The following GRM7 variants were observed in gnomAD, a reference collection of about 807,000 sequenced individuals.
The protein encoded by GRM7 is glutamate metabotropic receptor 7.
Under a neutral mutation model 84.5 loss-of-function variants are expected in GRM7, and 35 were observed. The ratio of observed to expected loss-of-function variants is 0.41; its 90% CI spans 0.32 to 0.55. GRM7 has a LOEUF of 0.55. Among genes scored for constraint, GRM7 ranks in the 20% least tolerant of loss-of-function variants. The pLI is 0.19. For synonymous variants in GRM7, 487 were observed against 455.1 expected (o/e 1.07, Z -0.89); for missense variants, 1,003 against 1,194.6 (o/e 0.84, Z 2.36).
intron 4 of GRM7, among the ~76,000 whole-genome samples, chr3:7,324,621 C>G (rs1450693185): frequency 5.3e-5 from 8 of 152,134 alleles, no homozygotes; most frequent in Non-Finnish European, 8.8e-5. Context: ...TAGTCACATA[C>G]TAGCAAGTCT....
At chr3:7,574,917 T>C (rs2125049711) in intron 7 of GRM7, among the ~76,000 whole-genome samples, 1 of 149,344 alleles carries the variant, frequency 6.7e-6, no homozygotes, top group African/African-American at 2.4e-5. Context: ...AAATGAAATC[T>C]TTTGTTCCAG....
intron 4 of GRM7, among the ~76,000 whole-genome samples, chr3:7,367,988 A>AG (rs1167748374): frequency 2.1e-3 from 308 of 149,384 alleles, no homozygotes; most frequent in African/African-American, 7.1e-3. Context: ...TACACAGACA[A>AG]TGAAAAATAC....
chr3:7,135,547 C>T lies in GRM7; in HGVS notation c.520-10905C>T, dbSNP rs77916198. ...TTTCTGTATTGCAGTTTTGTACTGC[C>T]CACATATGCAAATCCCCCAGGAACA... On this transcript the variant is annotated intron_variant, in intron 1 of 9. Coordinates refer to ENST00000357716, the MANE Select transcript of GRM7 (RefSeq NM_000844.4). Among the ~76,000 whole-genome samples, 7 of 152,156 alleles carry T rather than the reference C, an allele frequency of 4.6e-5. No homozygotes were observed. In the East Asian group the frequency reaches 7.7e-4, roughly 17 times the overall value.
chr3:7,255,976 C>T (rs1038473676), intron 2 of GRM7, among the ~76,000 whole-genome samples: 1 of 152,178 alleles, frequency 6.6e-6, no homozygotes, highest in African/African-American at 2.4e-5. Context: ...AGATAAAATA[C>T]ATGCCTTTCA....
At chr3:7,251,159 G>A (rs900377439) in intron 2 of GRM7, among the ~76,000 whole-genome samples, 2 of 152,134 alleles carry the variant, frequency 1.3e-5, no homozygotes, top group African/African-American at 2.4e-5. Context: ...TGAATATTAC[G>A]TGATTAAGTA....
chr3:7,183,286 A>G (rs1270774218), intron 2 of GRM7, among the ~76,000 whole-genome samples: 1 of 152,240 alleles, frequency 6.6e-6, no homozygotes, highest in Non-Finnish European at 1.5e-5. Flanking sequence ...GGGGAGCAAA[A>G]TAACTCATGC....
At chr3:6,887,930 G>C (rs1695766379) in intron 1 of GRM7, among the ~76,000 whole-genome samples, 2 of 152,178 alleles carry the variant, frequency 1.3e-5, no homozygotes, top group Non-Finnish European at 2.9e-5. Context: ...ATTCTAACTG[G>C]TGTGAGATAG....
rs981593961 is a variant in GRM7, at chr3:7,188,932, G to T, written c.736+42264G>T. On this transcript the variant is annotated intron_variant, in intron 2 of 9. Coordinates refer to ENST00000357716, the MANE Select transcript of GRM7 (RefSeq NM_000844.4). The surrounding 1 kb of genome is among the most constrained non-coding windows in gnomAD (Gnocchi z 4.2). ...TTGTATTAAGTTTCTATTGTCAATAGCTGGATGGATGTGTGTGGACTCATC... is the reference window on the plus strand; with the variant it reads ...TTGTATTAAGTTTCTATTGTCAATATCTGGATGGATGTGTGTGGACTCATC... Among the ~76,000 whole-genome samples, 2 of 152,186 alleles carry T rather than the reference G, an allele frequency of 1.3e-5. No homozygotes were observed. Among genetic ancestry groups the T allele is most frequent in the African/African-American group, 2.4e-5 (1 of 41,446 alleles).
intron 8 of GRM7, among the ~76,000 whole-genome samples, chr3:7,654,037 T>C (rs1306686623): frequency 6.6e-6 from 1 of 152,158 alleles, no homozygotes; most frequent in Non-Finnish European, 1.5e-5. Context: ...AAACTTATAA[T>C]CATGCCCTAA....
intron 1 of GRM7, among the ~76,000 whole-genome samples, chr3:6,927,463 G>GAGAGAAAGAAAGAAAGAAAGAAAGAA (rs1553595155): frequency 2.1e-5 from 2 of 93,218 alleles, no homozygotes; most frequent in Non-Finnish European, 5.2e-5. Context: ...GAAAGAGAGA[G>GAGAGAAAGAAAGAAAGAAAGAAAGAA]AGAAAGAAAG....
rs545612367 is a variant in GRM7 at position 6,881,288 on chromosome 3, T to C, written c.519+19381T>C. Among the ~76,000 whole-genome samples, 39 of 152,218 alleles carry C rather than the reference T, an allele frequency of 2.6e-4. No individual in the cohort carries two copies. The South Asian group carries it at 5.8e-3, about 23-fold the overall frequency. ...TTCTATGTTTCCTAATGCTCTCCCT[T>C]CCCTCACTCCACCCCCCAACAGTCT... On this transcript the variant is annotated intron_variant, in intron 1 of 9. Transcript: ENST00000357716.
At chr3:7,076,029 A>C (rs1347369909) in intron 1 of GRM7, among the ~76,000 whole-genome samples, 2 of 152,164 alleles carry the variant, frequency 1.3e-5, no homozygotes, top group Non-Finnish European at 2.9e-5. Context: ...AAAGAAAAAA[A>C]CATTTTTACT....
chr3:7,291,029 C>A, intron 2 of GRM7, among the ~76,000 whole-genome samples: 1 of 152,128 alleles, frequency 6.6e-6, no homozygotes, highest in Non-Finnish European at 1.5e-5. Flanking sequence ...CCCTCTCTCA[C>A]CTAACAATCT....
intron 1 of GRM7, among the ~76,000 whole-genome samples, chr3:7,096,593 A>G (rs542697823): frequency 6.6e-6 from 1 of 152,096 alleles, no homozygotes; most frequent in Admixed American, 6.6e-5. Context: ...CAGAGTTTTT[A>G]TGGGGGTTTT....
chr3:7,420,967 T>C (rs577707536), intron 5 of GRM7, among the ~76,000 whole-genome samples: 1 of 152,300 alleles, frequency 6.6e-6, no homozygotes, highest in African/African-American at 2.4e-5. Flanking sequence ...GACACCTCTT[T>C]AAATCCTTTT....
rs372401577 is a variant in GRM7, at chr3:7,513,409, G to GT, written c.1515+51694dup. Among the ~76,000 whole-genome samples the GT allele has an allele frequency of 6.9e-4, 104 of 151,194 alleles. 1 individual carries two copies. Among genetic ancestry groups the GT allele is most frequent in the African/African-American group, 2.3e-3 (94 of 41,260 alleles). ...ACCAAGATAAAACCTTTTTTTTTCT[G>GT]TTTTTTTCTTTTCTATCTATTATGC... is the stretch of plus-strand genomic sequence containing the variant. On this transcript the variant is annotated intron_variant, in intron 7 of 9. Coordinates refer to ENST00000357716, the MANE Select transcript of GRM7 (RefSeq NM_000844.4).
intron 8 of GRM7, among the ~76,000 whole-genome samples, chr3:7,672,988 A>G (rs963250174): frequency 6.6e-6 from 1 of 152,210 alleles, no homozygotes; most frequent in South Asian, 2.1e-4. Context: ...TAAGAAGAAA[A>G]TCATTTTAAA....
intron 2 of GRM7, among the ~76,000 whole-genome samples, chr3:7,277,915 G>A (rs921230200): frequency 2.6e-5 from 4 of 152,032 alleles, no homozygotes; most frequent in Non-Finnish European, 5.9e-5. Context: ...AGGCCACTAT[G>A]AGACTAAGTA....
chr3:6,887,545 A>G (rs1695747103), intron 1 of GRM7, among the ~76,000 whole-genome samples: 1 of 152,088 alleles, frequency 6.6e-6, no homozygotes, highest in Non-Finnish European at 1.5e-5. Context: ...CCATGTCCCT[A>G]CAAAGGACAT....
Sources: gnomAD v4.1 joint callset for allele counts (sites outside exome capture counted in the v4.1 genomes callset) on GRCh38, gnomAD v4.1.1 for gene constraint, Gnocchi (gnomAD v3.1) non-coding constraint, MANE v1.5 for transcripts, NCBI Gene and HGNC (gene_info 2026-07-23, HGNC 2026-07-21) for gene names.